Variants in PCCB observed in about 807,000 individuals in gnomAD.
PCCB encodes the protein propionyl-CoA carboxylase beta chain, mitochondrial.
A neutral mutation model predicts 60.7 loss-of-function variants in PCCB; 43 were observed. That is an observed-to-expected ratio of 0.71 (90% CI 0.55 to 0.91). The LOEUF is 0.91. Ranked by LOEUF, PCCB falls within the 40% of genes least tolerant of loss-of-function variation. The pLI is 0.00. For synonymous variants in PCCB, 276 were observed against 255.9 expected, an observed-to-expected ratio of 1.08 and a Z score of -0.75; for missense variants, 766 against 702.8, an observed-to-expected ratio of 1.09 and a Z score of -1.02.
intron 8 of PCCB, 110 bp downstream of exon 8, chr3:136,298,182 G>A: frequency 7.5e-7 from 1 of 1,329,904 alleles, no homozygotes; most frequent in East Asian, 2.3e-5. Flanking sequence ...AGCAGAGTGT[G>A]GTAGAGTGGC....
Position 136,250,526 on chromosome 3 carries a change from G to A in PCCB, c.151G>A (p.Gly51Ser), listed in dbSNP as rs747214250. 8 of 1,612,774 alleles carry A rather than the reference G, an allele frequency of 5.0e-6. No individual in the cohort carries two copies. The highest frequency in any genetic ancestry group is 1.7e-5 in the Admixed American group (1 of 59,962). The change falls in exon 1 of 15, where the codon GGC (glycine) becomes AGC (serine). Residue 51 changes from glycine to serine, a missense_variant. Gly to Ser is a moderately conservative substitution (Grantham distance 56). Transcript: ENST00000251654. ...GCGCCGGACCGCGCTGCTGGGAGGG[G>A]GCCAACGCCGTATTGACGCGCAGCA... ...NKRRTALLGG[G>S]QRRIDAQHKR... is the part of the protein sequence containing the mutation.
intron 9 of PCCB, among the ~76,000 whole-genome samples, chr3:136,313,051 C>T (rs892708422): frequency 6.6e-6 from 1 of 152,144 alleles, no homozygotes; most frequent in East Asian, 1.9e-4. Context: ...AGTATTTTCT[C>T]ATATGTTAGA....
At chr3:136,324,900 T>G (rs549596543) in intron 10 of PCCB, among the ~76,000 whole-genome samples, 1 of 152,138 alleles carries the variant, frequency 6.6e-6, no homozygotes, top group Non-Finnish European at 1.5e-5. Context: ...ACCATTTTCT[T>G]TTATTTTTTT....
Position 136,302,694 on chromosome 3 carries a change from C to T in PCCB, c.966+1583C>T, listed in dbSNP as rs1221330544. On this transcript the variant is annotated intron_variant, in intron 9 of 14. Coordinates refer to ENST00000251654, the MANE Select transcript of PCCB (RefSeq NM_000532.5). ...TCGTCATTTAGCATTAGGTATATCT[C>T]CTAATGCTATCCCTCCCCCCTCCCC... Among the ~76,000 whole-genome samples the T allele has an allele frequency of 1.7e-5, 2 of 116,840 alleles. 1 individual carries two copies. The highest frequency in any genetic ancestry group is 2.1e-4 in the Admixed American group (2 of 9,472). 76.7% of individuals were successfully genotyped at this position (116,840 alleles called of 152,430 possible). A position where few individuals can be genotyped will look rare whatever the true frequency, so the allele number is the denominator to read the frequency against.
intron 5 of PCCB, among the ~76,000 whole-genome samples, chr3:136,272,594 C>T (rs939605854): frequency 4.6e-5 from 7 of 151,862 alleles, no homozygotes; most frequent in African/African-American, 9.7e-5. Context: ...TATGTTTCCA[C>T]GAGTTTATCC....
chr3:136,254,898 G>A (rs1313185481), intron 1 of PCCB, among the ~76,000 whole-genome samples: 3 of 145,768 alleles, frequency 2.1e-5, no homozygotes, highest in African/African-American at 5.1e-5. Flanking sequence ...TTTTTGGGAC[G>A]GAGTTTCACT....
intron 6 of PCCB, among the ~76,000 whole-genome samples, chr3:136,284,331 A>G (rs1933255425): frequency 6.6e-6 from 1 of 152,292 alleles, no homozygotes; most frequent in South Asian, 2.1e-4. Flanking sequence ...TTATTTCTTC[A>G]GCTCCTTGCC....
chr3:136,268,092 A>AGATATATATATATATG lies in PCCB; in HGVS notation c.543+6027_543+6028insGATATATATATATATG, dbSNP rs1431233108. On this transcript the variant is annotated intron_variant, in intron 5 of 14. Transcript: ENST00000251654. ...TGTGTGTGTGTGTGTGTGTAGATAT[A>AGATATATATATATATG]TATATATATATATATATATATATAT... 4.4e-3 allele frequency among the ~76,000 whole-genome samples: 240 copies of AGATATATATATATATG among 54,440 alleles called. 4 individuals carry two copies. The highest frequency in any genetic ancestry group is 7.5e-3 in the Middle Eastern group (1 of 134). The allele number at this position is 54,440 out of a possible 152,430, so 35.7% of individuals were successfully genotyped here.
At chr3:136,269,465 A>C (rs1026140879) in intron 5 of PCCB, among the ~76,000 whole-genome samples, 2 of 152,162 alleles carry the variant, frequency 1.3e-5, no homozygotes, top group African/African-American at 4.8e-5. Context: ...CTATATACAC[A>C]ATCATGTCTT....
rs1934453271 is a variant in PCCB at position 136,306,464 on chromosome 3, G to T, written c.966+5353G>T. The stretch of plus-strand genomic sequence containing the variant: ...TGAAAATTTAATAAGGAACATTAAA[G>T]AAAAGTAGATAAATAGCCTAAAAAA... On this transcript the variant is annotated intron_variant, in intron 9 of 14. Coordinates refer to ENST00000251654, the MANE Select transcript of PCCB (RefSeq NM_000532.5). Among the ~76,000 whole-genome samples the T allele has an allele frequency of 1.6e-5, 2 of 121,618 alleles. 1 individual carries two copies. The highest frequency in any genetic ancestry group is 6.4e-4 in the South Asian group (2 of 3,134). 79.8% of individuals were successfully genotyped at this position (121,618 alleles called of 152,430 possible).
rs1307067547 is a variant in PCCB, at chr3:136,255,962, CTGA to C, written c.292_294del (p.Asp98del). 3 of 1,614,012 alleles carry C rather than the reference CTGA, an allele frequency of 1.9e-6. No homozygotes were observed. Among genetic ancestry groups the C allele is most frequent in the African/African-American group, 1.3e-5 (1 of 74,930 alleles). The stretch of plus-strand genomic sequence containing the variant: ...AGATGTGCAGATTTTGGAATGGCTG[CTGA>C]TAAGAATAAGGTATTTGTTCAAATG... On this transcript the variant is annotated inframe_deletion, in exon 2 of 15. Coordinates refer to ENST00000251654, the MANE Select transcript of PCCB (RefSeq NM_000532.5).
chr3:136,288,075 A>C (rs751981985), intron 6 of PCCB, among the ~76,000 whole-genome samples: 1 of 152,154 alleles, frequency 6.6e-6, no homozygotes, highest in Non-Finnish European at 1.5e-5. Flanking sequence ...ATAGTCTCTT[A>C]TTGTGTTGTC....
chr3:136,255,120 C>G (rs547785444), intron 1 of PCCB, among the ~76,000 whole-genome samples: 1 of 152,132 alleles, frequency 6.6e-6, no homozygotes, highest in African/African-American at 2.4e-5. Context: ...GTGATCCACC[C>G]GCCTCTGCCT....
chr3:136,252,095 C>A (rs995988712), intron 1 of PCCB, among the ~76,000 whole-genome samples: 29 of 150,128 alleles, frequency 1.9e-4, no homozygotes, highest in African/African-American at 6.1e-4. Flanking sequence ...TTGGCCAGGC[C>A]GGTCTTGTAC....
In PCCB at chr3:136,293,692, A is replaced by G. The variant is rs1455590612; in HGVS notation, c.655-64A>G. 6.0e-6 allele frequency: 6 copies of G among 992,812 alleles called. No individual in the cohort carries two copies. In the African/African-American group the frequency reaches 7.9e-5, roughly 13 times the overall value. The allele number at this position is 992,812 out of a possible 1,614,324, so 61.5% of individuals were successfully genotyped here. A position where few individuals can be genotyped will look rare whatever the true frequency, so the allele number is the denominator to read the frequency against. ...TGCATTTGTCATCTTGGCTGAATCA[A>G]CTCTAAGGCTGTGACCAGCTCTGGT... On this transcript the variant is annotated intron_variant, in intron 6 of 14. Coordinates refer to ENST00000251654, the MANE Select transcript of PCCB (RefSeq NM_000532.5).
intron 5 of PCCB, among the ~76,000 whole-genome samples, chr3:136,265,403 T>A (rs887648147): frequency 6.6e-6 from 1 of 152,242 alleles, no homozygotes; most frequent in Non-Finnish European, 1.5e-5. Flanking sequence ...AACTTTCTTA[T>A]TTTACAAATT....
Position 136,326,893 on chromosome 3 carries a change from T to C in PCCB, c.1181T>C (p.Val394Ala). The C allele has an allele frequency of 2.5e-6, 4 of 1,608,744 alleles. No homozygotes were observed. The highest frequency in any genetic ancestry group is 3.4e-6 in the Non-Finnish European group (4 of 1,175,054). ...ATTCCACTCATCACTTTTGTTGATG[T>C]CCCTGGCTTTCTACCTGGTAAGTTT... ...FNIPLITFVD[V>A]PGFLPGTAQE... Residue 394 changes from valine (V) to alanine (A), a missense_variant, in exon 11 of 15, where the codon GTC (valine) becomes GCC (alanine). Val to Ala is a moderately conservative substitution (Grantham distance 64). Coordinates refer to ENST00000251654, the MANE Select transcript of PCCB (RefSeq NM_000532.5).
intron 8 of PCCB, among the ~76,000 whole-genome samples, chr3:136,298,761 T>G (rs1045155378): frequency 6.6e-6 from 1 of 152,212 alleles, no homozygotes; most frequent in African/African-American, 2.4e-5. Flanking sequence ...AGCCGTTCCA[T>G]TTTATTTCCT....
chr3:136,263,817 G>C (rs202012668), intron 5 of PCCB, among the ~76,000 whole-genome samples: 1 of 152,052 alleles, frequency 6.6e-6, no homozygotes, highest in Non-Finnish European at 1.5e-5. Context: ...TTCAAGACCA[G>C]CCTGGCCAAC....
Sources: allele counts gnomAD v4.1 joint callset (sites outside exome capture counted in the v4.1 genomes callset), GRCh38; gene constraint gnomAD v4.1.1; transcripts MANE v1.5; gene names NCBI Gene and HGNC (gene_info 2026-07-23, HGNC 2026-07-21).